TTLL9: variants seen among roughly 807,000 people sequenced by gnomAD.
The protein encoded by TTLL9 is tubulin tyrosine ligase like 9.
TTLL9 carries 47 observed loss-of-function variants against 65.6 expected under a neutral mutation model. That is an observed-to-expected ratio of 0.72 (90% CI 0.57 to 0.91). TTLL9 has a LOEUF of 0.91. TTLL9 is among the 40% of genes least tolerant of loss of function. The pLI is 0.00. For missense variants in TTLL9, 537 were observed against 568.8 expected (o/e 0.94, Z 0.57); for synonymous variants, 179 against 204.8 (o/e 0.87, Z 1.07).
At chr20:31,933,916 G>C in intron 11 of TTLL9, 58 bp downstream of exon 11, 1 of 1,534,904 alleles carries the variant, frequency 6.5e-7, no homozygotes, top group Non-Finnish European at 8.8e-7. Context: ...AGGTCGGGGT[G>C]GGGAGGGTGG....
intron 6 of TTLL9, 31 bp downstream of exon 6, chr20:31,909,953 A>G: frequency 1.6e-4 from 112 of 702,860 alleles, no homozygotes; most frequent in Non-Finnish European, 2.4e-4. Flanking sequence ...GCTGGGTGGG[A>G]GGGAATGAGT....
chr20:31,912,844 A>G (rs933644420), intron 6 of TTLL9, among the ~76,000 whole-genome samples: 1 of 152,104 alleles, frequency 6.6e-6, no homozygotes, highest in Admixed American at 6.6e-5. Context: ...TCCCCATGCT[A>G]TCAAGGGTGA....
At chr20:31,911,502 C>G (rs1267336078) in intron 6 of TTLL9, among the ~76,000 whole-genome samples, 2 of 152,154 alleles carry the variant, frequency 1.3e-5, no homozygotes, top group African/African-American at 4.8e-5. Context: ...TGGATGCTCC[C>G]AACAGGCACG....
rs995425282 is a variant in TTLL9, at chr20:31,925,825, T to C, written c.706-224T>C. The C allele has an allele frequency of 2.1e-5, 32 of 1,501,316 alleles. 1 individual carries two copies. Among genetic ancestry groups the C allele is most frequent in the East Asian group, 9.8e-5 (4 of 40,710 alleles). 93.0% of individuals were successfully genotyped at this position (1,501,316 alleles called of 1,614,324 possible). ...GAGCTAGGCGGTGTGAGAGTGCCTG[T>C]ATATATTCCCTTTCCCTTCTCTCTC... On this transcript the variant is annotated intron_variant, in intron 9 of 14. Coordinates refer to ENST00000535842, the MANE Select transcript of TTLL9 (RefSeq NM_001008409.5).
chr20:31,909,951 G>A, intron 6 of TTLL9, 29 bp downstream of exon 6: 1 of 1,541,684 alleles, frequency 6.5e-7, no homozygotes, highest in Non-Finnish European at 8.9e-7. Context: ...GGGCTGGGTG[G>A]GAGGGAATGA....
intron 7 of TTLL9, 50 bp from the exon 8 acceptor site, chr20:31,922,913 A>T: frequency 6.7e-7 from 1 of 1,492,220 alleles, no homozygotes; most frequent in African/African-American, 1.4e-5. Context: ...CCTAGTACAC[A>T]GGAAATGTTC....
At chr20:31,908,969 G>A (rs1444181751) in intron 5 of TTLL9, among the ~76,000 whole-genome samples, 1 of 152,016 alleles carries the variant, frequency 6.6e-6, no homozygotes, top group African/African-American at 2.4e-5. Flanking sequence ...GGTCTGAAGG[G>A]AGAGGATGCA....
chr20:31,919,215 A>C (rs994248122), intron 6 of TTLL9, among the ~76,000 whole-genome samples: 9 of 152,224 alleles, frequency 5.9e-5, no homozygotes, highest in Admixed American at 4.6e-4. Flanking sequence ...CCATTGCATA[A>C]TGCTCAACAT....
At chr20:31,925,708 G>T (rs970447702) in intron 9 of TTLL9, among the ~76,000 whole-genome samples, 3 of 152,180 alleles carry the variant, frequency 2.0e-5, no homozygotes, top group Admixed American at 2.0e-4. Context: ...GGAGGGGATA[G>T]AATCAAAGAA....
intron 7 of TTLL9, among the ~76,000 whole-genome samples, chr20:31,921,491 A>G (rs1049834254): frequency 1.3e-5 from 2 of 152,252 alleles, no homozygotes; most frequent in Non-Finnish European, 2.9e-5. Context: ...CCAAAGGATT[A>G]TAAATCATAC....
At position 31,944,778 on chromosome 20, in the gene TTLL9, G is replaced by T. The variant is rs2064293705; in HGVS notation, c.*1757G>T. ...TGTGTTTCTATGTAACTATGAGCCA[G>T]AGCCAAGGAGCGGGGGGACCAGGAG... On this transcript the variant is annotated 3_prime_UTR_variant, in exon 15 of 15. Transcript: ENST00000535842. The T allele has an allele frequency of 6.6e-6, 1 of 152,198 alleles. No homozygotes were observed. Among genetic ancestry groups the T allele is most frequent in the Non-Finnish European group, 1.5e-5 (1 of 68,052 alleles). The allele number at this position is 152,198 out of a possible 1,614,324, so 9.4% of individuals were successfully genotyped here. A position where few individuals can be genotyped will look rare whatever the true frequency, so the allele number is the denominator to read the frequency against.
At chr20:31,890,205 T>TTCTTTCTTTCTTTC (rs1568754246) in intron 3 of TTLL9, among the ~76,000 whole-genome samples, 2 of 117,686 alleles carry the variant, frequency 1.7e-5, no homozygotes, top group African/African-American at 6.6e-5. Context: ...TTCTTTCTCT[T>TTCTTTCTTTCTTTC]TCTTTCATCA....
At chr20:31,926,642 C>G (rs918622631) in intron 10 of TTLL9, among the ~76,000 whole-genome samples, 4 of 152,110 alleles carry the variant, frequency 2.6e-5, no homozygotes, top group Non-Finnish European at 5.9e-5. Flanking sequence ...AAATAGGGAA[C>G]ATTGAAATGA....
chr20:31,941,605 C>A (rs2064212092), intron 14 of TTLL9, among the ~76,000 whole-genome samples: 1 of 151,968 alleles, frequency 6.6e-6, no homozygotes, highest in African/African-American at 2.4e-5. Context: ...GTTGCCCAGG[C>A]TGGAGTGCAG....
chr20:31,897,813 G>T (rs533295280), intron 3 of TTLL9, among the ~76,000 whole-genome samples: 2 of 152,168 alleles, frequency 1.3e-5, no homozygotes, highest in Non-Finnish European at 2.9e-5. Flanking sequence ...TGTGTTCTTG[G>T]GGGTCTGGCT....
Position 31,880,532 on chromosome 20 carries a change from C to T in TTLL9, c.70-6664C>T, listed in dbSNP as rs1192178459. Among the ~76,000 whole-genome samples the T allele has an allele frequency of 3.3e-5, 5 of 150,804 alleles. No individual in the cohort carries two copies. The South Asian group carries it at 8.3e-4, about 25-fold the overall frequency. On this transcript the variant is annotated intron_variant, in intron 2 of 14. Transcript: ENST00000535842. ...TTTTTGAGACGGAGTCTCACTGTGT[C>T]GCCAGGTTGGAGTGCAGTGGCGCTA... is the stretch of plus-strand genomic sequence containing the variant.
chr20:31,910,026 C>A, intron 6 of TTLL9, 104 bp downstream of exon 6: 2 of 1,183,494 alleles, frequency 1.7e-6, no homozygotes, highest in South Asian at 2.9e-5. Flanking sequence ...TAGATGCTGT[C>A]TGCCTTCCCG....
At chr20:31,885,539 G>A (rs181847069) in intron 2 of TTLL9, among the ~76,000 whole-genome samples, 1 of 152,308 alleles carries the variant, frequency 6.6e-6, no homozygotes, top group Admixed American at 6.5e-5. Context: ...AAAAAGACAA[G>A]GACAGCTTGA....
intron 2 of TTLL9, among the ~76,000 whole-genome samples, chr20:31,878,851 T>A (rs75055556): frequency 0.029 from 4,477 of 152,304 alleles, 242 homozygotes; most frequent in African/African-American, 0.1. Flanking sequence ...TATCTATAGA[T>A]CTAATAAGAT....
Sources: gnomAD v4.1 joint callset for allele counts (sites outside exome capture counted in the v4.1 genomes callset) on GRCh38, gnomAD v4.1.1 for gene constraint, MANE v1.5 for transcripts, NCBI Gene and HGNC (gene_info 2026-07-23, HGNC 2026-07-21) for gene names.